TMEM232: variants seen among roughly 807,000 people sequenced by gnomAD.
TMEM232 encodes transmembrane protein 232.
Under a neutral mutation model 78.8 loss-of-function variants are expected in TMEM232, and 80 were observed. The observed-to-expected ratio is 1.01, with a 90% confidence interval of 0.85 to 1.22. The LOEUF (loss-of-function observed/expected upper bound fraction) is 1.22, where lower values mean the gene tolerates loss of function less well. Among genes scored for constraint, TMEM232 ranks in the 50% most tolerant of loss-of-function variants. The pLI, the probability that TMEM232 is intolerant of heterozygous loss-of-function variation, is 0.00. For synonymous variants in TMEM232, 297 were observed against 254.3 expected (o/e 1.17, Z -1.60); for missense variants, 881 against 742.2 (o/e 1.19, Z -2.17).
At chr5:110,663,568 A>T (rs1404895445) in intron 2 of TMEM232, among the ~76,000 whole-genome samples, 1 of 152,064 alleles carries the variant, frequency 6.6e-6, no homozygotes, top group Non-Finnish European at 1.5e-5. Context: ...AGAAAATTTT[A>T]TAAATAACTA....
At chr5:110,568,998 G>T (rs1776632778) in intron 10 of TMEM232, among the ~76,000 whole-genome samples, 1 of 151,778 alleles carries the variant, frequency 6.6e-6, no homozygotes, top group Non-Finnish European at 1.5e-5. Context: ...TTATAATAAA[G>T]TAGAGAAACC....
chr5:110,709,655 A>G (rs1238554843), intron 1 of TMEM232, among the ~76,000 whole-genome samples: 1 of 152,138 alleles, frequency 6.6e-6, no homozygotes, highest in Non-Finnish European at 1.5e-5. Flanking sequence ...TGAAGAAATT[A>G]AGGTGGAAAT....
At chr5:110,669,672 C>A (rs1421383428) in intron 1 of TMEM232, among the ~76,000 whole-genome samples, 3 of 152,102 alleles carry the variant, frequency 2.0e-5, no homozygotes, top group East Asian at 3.9e-4. Context: ...GGCAGAGACA[C>A]AACCAAAAAA....
chr5:110,480,439 CAG>C (rs1763734548), intron 12 of TMEM232, among the ~76,000 whole-genome samples: 1 of 151,876 alleles, frequency 6.6e-6, no homozygotes, highest in African/African-American at 2.4e-5. Context: ...AAACAATAAA[CAG>C]AGAGTTCATA....
chr5:110,413,468 A>T (rs983149870), intron 2 of TMEM232, among the ~76,000 whole-genome samples: 2 of 152,156 alleles, frequency 1.3e-5, no homozygotes, highest in African/African-American at 4.8e-5. Context: ...CGTGTGAGTC[A>T]ATACTCCTTA....
rs1786578635 is a variant in TMEM232, at chr5:110,640,821, T to C, written c.343+70A>G. On this transcript the variant is annotated intron_variant, in intron 4 of 13. Coordinates refer to ENST00000455884, the MANE Select transcript of TMEM232 (RefSeq NM_001039763.4). ...CTGCACAATTTTTAAAAATTAAAGT[T>C]CTCAAATTATGCCTTCACTGATGAT... 2.7e-6 allele frequency: 3 copies of C among 1,106,594 alleles called. No individual in the cohort carries two copies. The East Asian group carries it at 9.4e-5, about 35-fold the overall frequency. 68.5% of individuals were successfully genotyped at this position (1,106,594 alleles called of 1,614,324 possible). A position where few individuals can be genotyped will look rare whatever the true frequency, so the allele number is the denominator to read the frequency against.
At chr5:110,651,124 A>C (rs1009873719) in intron 2 of TMEM232, among the ~76,000 whole-genome samples, 2 of 152,174 alleles carry the variant, frequency 1.3e-5, no homozygotes, top group East Asian at 3.9e-4. Flanking sequence ...AAGAGGACAC[A>C]AAACGGAAGT....
intron 10 of TMEM232, among the ~76,000 whole-genome samples, chr5:110,594,329 C>T (rs971790716): frequency 3.3e-5 from 5 of 152,142 alleles, no homozygotes; most frequent in Admixed American, 6.5e-5. Flanking sequence ...GAGATTCCCT[C>T]CTGTGCCTAT....
At chr5:110,484,471 G>A (rs1764247988) in intron 12 of TMEM232, among the ~76,000 whole-genome samples, 1 of 152,016 alleles carries the variant, frequency 6.6e-6, no homozygotes, top group African/African-American at 2.4e-5. Flanking sequence ...TATAAATTCT[G>A]CCTTATCAGT....
At chr5:110,690,398 G>A (rs78624920) in intron 1 of TMEM232, among the ~76,000 whole-genome samples, 91,983 of 152,036 alleles carry the variant, frequency 0.61, 32,240 homozygotes, top group Non-Finnish European at 0.79. Flanking sequence ...GGTCATTAGA[G>A]AAATGCAAAT....
intron 1 of TMEM232, among the ~76,000 whole-genome samples, chr5:110,702,528 C>T (rs1330152943): frequency 1.3e-5 from 2 of 152,012 alleles, no homozygotes; most frequent in East Asian, 1.9e-4. Flanking sequence ...AGTACTCTTA[C>T]TCTCTCATCC....
intron 2 of TMEM232, among the ~76,000 whole-genome samples, chr5:110,651,996 T>C (rs1339273039): frequency 6.6e-6 from 1 of 152,166 alleles, no homozygotes; most frequent in African/African-American, 2.4e-5. Context: ...GTTTGCTTTA[T>C]ATATACTGCT....
intron 4 of TMEM232, among the ~76,000 whole-genome samples, chr5:110,389,528 C>T (rs1755107086): frequency 6.6e-6 from 1 of 152,126 alleles, no homozygotes; most frequent in Non-Finnish European, 1.5e-5. Flanking sequence ...TGATAAACCT[C>T]GGTGAAAAAT....
intron 8 of TMEM232, among the ~76,000 whole-genome samples, chr5:110,606,736 C>T (rs1781590850): frequency 6.6e-6 from 1 of 151,912 alleles, no homozygotes; most frequent in South Asian, 2.1e-4. Context: ...AGATTCAACA[C>T]TCTTTGATTT....
rs568065924 is a variant in TMEM232 at position 110,406,845 on chromosome 5, T to C, written n.309-8991A>G. Among the ~76,000 whole-genome samples the C allele has an allele frequency of 2.6e-5, 4 of 152,204 alleles. No homozygotes were observed. The East Asian group carries it at 7.7e-4, about 29-fold the overall frequency. On this transcript the variant is annotated intron_variant and non_coding_transcript_variant, in intron 2 of 8. Coordinates refer to the TMEM232 transcript ENST00000507188. Reference sequence around the variant, plus strand: ...ACTGAAAATCAAAATGTAGTGGAAATGAGGTTAGATTGTAGATTTTTTGCC... The same window carrying C: ...ACTGAAAATCAAAATGTAGTGGAAACGAGGTTAGATTGTAGATTTTTTGCC...
chr5:110,661,702 T>C (rs1789823309), intron 2 of TMEM232, among the ~76,000 whole-genome samples: 1 of 152,202 alleles, frequency 6.6e-6, no homozygotes, highest in Admixed American at 6.5e-5. Context: ...AATTCTATTT[T>C]TGGCTTTCTG....
chr5:110,536,897 G>C (rs1170487278), intron 11 of TMEM232, among the ~76,000 whole-genome samples: 1 of 152,170 alleles, frequency 6.6e-6, no homozygotes. Flanking sequence ...GTTGCTTTAA[G>C]TGGGATAGGA....
chr5:110,729,178 C>G (rs1353914352), upstream of TMEM232, among the ~76,000 whole-genome samples: 1 of 152,164 alleles, frequency 6.6e-6, no homozygotes, highest in Non-Finnish European at 1.5e-5. Flanking sequence ...AGCCACCGTG[C>G]CTGGCCCAGT....
intron 12 of TMEM232, among the ~76,000 whole-genome samples, chr5:110,489,444 A>G (rs1764802673): frequency 6.6e-6 from 1 of 152,132 alleles, no homozygotes; most frequent in African/African-American, 2.4e-5. Flanking sequence ...AAAGCATTTG[A>G]CAAAATCAAC....
Sources: allele counts gnomAD v4.1 joint callset (sites outside exome capture counted in the v4.1 genomes callset), GRCh38; gene constraint gnomAD v4.1.1; transcripts MANE v1.5; gene names NCBI Gene and HGNC (gene_info 2026-07-23, HGNC 2026-07-21).